DAB1: variants seen among roughly 807,000 people sequenced by gnomAD.
The protein encoded by DAB1 is disabled homolog 1.
A neutral mutation model predicts 64.6 loss-of-function variants in DAB1; 15 were observed. That is an observed-to-expected ratio of 0.23 (90% CI 0.16 to 0.36). The LOEUF (loss-of-function observed/expected upper bound fraction) is 0.36. DAB1 is among the 10% of genes least tolerant of loss of function. DAB1 has a pLI of 1.00. For missense variants in DAB1, 596 were observed against 706.7 expected, an observed-to-expected ratio of 0.84 and a Z score of 1.78; for synonymous variants, 235 against 251.9, an observed-to-expected ratio of 0.93 and a Z score of 0.64.
chr1:57,793,259 T>G (rs941412858), intron 6 of DAB1, among the ~76,000 whole-genome samples: 2 of 152,202 alleles, frequency 1.3e-5, no homozygotes, highest in African/African-American at 2.4e-5. Context: ...CTCTATTACC[T>G]TGTAAATCAG....
intron 5 of DAB1, among the ~76,000 whole-genome samples, chr1:58,095,800 C>A (rs899404543): frequency 6.6e-6 from 1 of 152,106 alleles, no homozygotes; most frequent in Non-Finnish European, 1.5e-5. Flanking sequence ...TCTAAAAATG[C>A]CTAAAAAGGT....
At chr1:57,129,592 T>C (rs1657467184) in intron 4 of DAB1, among the ~76,000 whole-genome samples, 1 of 152,104 alleles carries the variant, frequency 6.6e-6, no homozygotes. Flanking sequence ...TTTGTGAGCA[T>C]CAGAAAATGA....
Position 58,300,735 on chromosome 1 carries a change from GAA to G in DAB1, n.309+42615_309+42616del, listed in dbSNP as rs544826825. Among the ~76,000 whole-genome samples, 347 of 150,810 alleles carry G rather than the reference GAA, an allele frequency of 2.3e-3. 4 individuals carry two copies. Among genetic ancestry groups the G allele is most frequent in the African/African-American group, 8.1e-3 (329 of 40,574 alleles). ...AAGGAAGAGAAAACTGGCAAGGAGA[GAA>G]AGCAAGGAAGTAGGGCTTCCTTGGG... On this transcript the variant is annotated intron_variant and non_coding_transcript_variant, in intron 4 of 20. Transcript: ENST00000485760.
At chr1:57,235,974 C>G (rs753073988) in intron 2 of DAB1, among the ~76,000 whole-genome samples, 2 of 152,180 alleles carry the variant, frequency 1.3e-5, no homozygotes, top group Non-Finnish European at 2.9e-5. Flanking sequence ...TCCTGACCTA[C>G]GTTATTCCTA....
intron 3 of DAB1, among the ~76,000 whole-genome samples, chr1:58,432,243 C>T (rs896184629): frequency 3.9e-5 from 6 of 152,182 alleles, no homozygotes; most frequent in Admixed American, 3.9e-4. Context: ...GAACCCTCCC[C>T]TAGACACTCC....
At chr1:58,108,816 T>G (rs1490862432) in intron 5 of DAB1, among the ~76,000 whole-genome samples, 2 of 152,188 alleles carry the variant, frequency 1.3e-5, no homozygotes, top group African/African-American at 4.8e-5. Context: ...AATACTCCAG[T>G]GACAAGTACA....
intron 9 of DAB1, among the ~76,000 whole-genome samples, chr1:57,039,228 C>T (rs985033991): frequency 1.3e-5 from 2 of 152,124 alleles, no homozygotes; most frequent in African/African-American, 4.8e-5. Flanking sequence ...GATAACAATG[C>T]TTACAATGTG....
chr1:58,447,859 A>AAC (rs750215809), intron 3 of DAB1, among the ~76,000 whole-genome samples: 22 of 104,276 alleles, frequency 2.1e-4, no homozygotes, highest in African/African-American at 8.3e-4. Flanking sequence ...GACTTAAACA[A>AAC]AAAAAAAAAA....
upstream of DAB1, among the ~76,000 whole-genome samples, chr1:57,426,875 T>TATATATATATATATATA (rs1553180831): frequency 1.1e-4 from 14 of 130,036 alleles, no homozygotes; most frequent in Non-Finnish European, 1.6e-4. Context: ...TATATATATA[T>TATATATATATATATATA]TTTTTTGAGA....
intron 7 of DAB1, among the ~76,000 whole-genome samples, chr1:57,581,750 T>G (rs912724208): frequency 6.7e-6 from 1 of 149,524 alleles, no homozygotes; most frequent in Non-Finnish European, 1.5e-5. Flanking sequence ...TGTGTTAGAT[T>G]AATTATTATG....
At chr1:57,110,761 T>C (rs933555763) in intron 4 of DAB1, among the ~76,000 whole-genome samples, 22 of 152,102 alleles carry the variant, frequency 1.4e-4, no homozygotes, top group Admixed American at 1.4e-3. Context: ...CAGTACTTCA[T>C]GGGCGTTATT....
rs372074513 is a variant in DAB1 at position 57,482,918 on chromosome 1, A to G, written n.625+166674T>C. On this transcript the variant is annotated intron_variant and non_coding_transcript_variant, in intron 7 of 20. Coordinates refer to the DAB1 transcript ENST00000485760. ...TACTTCAACACAAAAGAGAGCACAG[A>G]GAGCCTACCATACTTGTGTAAGTGT... Among the ~76,000 whole-genome samples the G allele has an allele frequency of 2.0e-5, 3 of 152,356 alleles. No individual in the cohort carries two copies. In the East Asian group the frequency reaches 5.8e-4, roughly 29 times the overall value.
chr1:57,641,722 G>T (rs1447380913), intron 7 of DAB1, among the ~76,000 whole-genome samples: 5 of 151,608 alleles, frequency 3.3e-5, no homozygotes, highest in Non-Finnish European at 7.4e-5. Context: ...AGGCTTATTT[G>T]TCTATGATCT....
At chr1:58,381,582 T>C (rs544030659) in intron 3 of DAB1, among the ~76,000 whole-genome samples, 5 of 152,172 alleles carry the variant, frequency 3.3e-5, no homozygotes, top group African/African-American at 9.7e-5. Context: ...ATGTGAGATA[T>C]AGAAATGGTG....
At chr1:57,104,578 T>G (rs1290981709) in intron 4 of DAB1, among the ~76,000 whole-genome samples, 1 of 152,180 alleles carries the variant, frequency 6.6e-6, no homozygotes, top group African/African-American at 2.4e-5. Context: ...TCAGGGAGAC[T>G]GTGTATTTCA....
At chr1:57,949,685 C>A (rs1377039140) in intron 5 of DAB1, among the ~76,000 whole-genome samples, 1 of 152,054 alleles carries the variant, frequency 6.6e-6, no homozygotes, top group African/African-American at 2.4e-5. Context: ...TCTTCTCACC[C>A]AACATTATTT....
chr1:57,805,379 A>G (rs1248570647), intron 6 of DAB1, among the ~76,000 whole-genome samples: 1 of 152,206 alleles, frequency 6.6e-6, no homozygotes, highest in Non-Finnish European at 1.5e-5. Context: ...CCATATAATG[A>G]GCATTTATTG....
intron 3 of DAB1, among the ~76,000 whole-genome samples, chr1:58,505,492 G>C (rs1645973780): frequency 1.3e-5 from 2 of 152,060 alleles, no homozygotes; most frequent in South Asian, 4.1e-4. Context: ...AAACTACTTG[G>C]CAGAAAGCCG....
intron 4 of DAB1, among the ~76,000 whole-genome samples, chr1:57,089,660 C>T (rs759148078): frequency 4.6e-5 from 7 of 152,192 alleles, no homozygotes; most frequent in African/African-American, 1.2e-4. Context: ...CTAAGCCATG[C>T]GGGATCCGTC....
Sources: allele counts gnomAD v4.1 joint callset (sites outside exome capture counted in the v4.1 genomes callset), GRCh38; gene constraint gnomAD v4.1.1; transcripts MANE v1.5; gene names NCBI Gene and HGNC (gene_info 2026-07-23, HGNC 2026-07-21).